The following PDE4D variants were observed in gnomAD, a reference collection of about 807,000 sequenced individuals.
PDE4D encodes the protein 3',5'-cyclic-AMP phosphodiesterase 4D.
In PDE4D, 24 loss-of-function variants were observed where a neutral mutation model predicts 87.4. The observed-to-expected ratio is 0.27, with a 90% confidence interval of 0.20 to 0.39. PDE4D has a LOEUF of 0.39. Among genes scored for constraint, PDE4D ranks in the 10% least tolerant of loss-of-function variants. The pLI is 1.00. For missense variants in PDE4D, 714 were observed against 1,041.0 expected (o/e 0.69, Z 4.32); for synonymous variants, 384 against 383.2 (o/e 1.00, Z -0.02).
chr5:59,267,058 T>C (rs1762969775), intron 1 of PDE4D, among the ~76,000 whole-genome samples: 1 of 152,084 alleles, frequency 6.6e-6, no homozygotes, highest in African/African-American at 2.4e-5. Flanking sequence ...AATGAGGTTA[T>C]GACTCCAACT....
At chr5:60,094,414 T>C (rs193089455) in intron 2 of PDE4D, among the ~76,000 whole-genome samples, 2 of 152,224 alleles carry the variant, frequency 1.3e-5, no homozygotes, top group East Asian at 3.9e-4. Flanking sequence ...ATACTTCTAT[T>C]TAAATGGCTA....
At chr5:59,232,564 G>T (rs1755463469) in intron 1 of PDE4D, among the ~76,000 whole-genome samples, 1 of 149,986 alleles carries the variant, frequency 6.7e-6, no homozygotes, top group African/African-American at 2.5e-5. Context: ...GGAATTCTTA[G>T]TTGGTGGGAA....
intron 1 of PDE4D, among the ~76,000 whole-genome samples, chr5:59,589,512 C>T (rs1289380710): frequency 6.6e-6 from 1 of 152,128 alleles, no homozygotes; most frequent in Non-Finnish European, 1.5e-5. Flanking sequence ...AGTCCTTATA[C>T]AAGAGAGTAG....
chr5:60,304,614 C>G (rs1042774855), intron 1 of PDE4D, among the ~76,000 whole-genome samples: 4 of 139,442 alleles, frequency 2.9e-5, no homozygotes, highest in Admixed American at 7.4e-5. Context: ...CACTGCAGTC[C>G]GCAGTCCGGC....
chr5:60,403,822 C>T (rs1286261931), intron 1 of PDE4D, among the ~76,000 whole-genome samples: 1 of 152,182 alleles, frequency 6.6e-6, no homozygotes, highest in Non-Finnish European at 1.5e-5. Flanking sequence ...ATTGTGAAAC[C>T]CACATTAGAA....
At chr5:59,238,750 A>C (rs972422374) in intron 1 of PDE4D, among the ~76,000 whole-genome samples, 1 of 152,196 alleles carries the variant, frequency 6.6e-6, no homozygotes, top group African/African-American at 2.4e-5. Flanking sequence ...GTCAAACTGT[A>C]ATAACAAAAC....
At chr5:60,016,981 A>T (rs1361155739) in intron 2 of PDE4D, among the ~76,000 whole-genome samples, 1 of 152,186 alleles carries the variant, frequency 6.6e-6, no homozygotes, top group African/African-American at 2.4e-5. Context: ...CAGCTGTATG[A>T]AATGTGTTTC....
intron 2 of PDE4D, among the ~76,000 whole-genome samples, chr5:59,199,323 G>T (rs182008034): frequency 1.3e-5 from 2 of 151,196 alleles, no homozygotes; most frequent in Non-Finnish European, 2.9e-5. Flanking sequence ...GAACTCCTGG[G>T]CTGAAGTGAT....
At chr5:59,464,276 C>T (rs1801225758) in intron 1 of PDE4D, among the ~76,000 whole-genome samples, 8 of 152,172 alleles carry the variant, frequency 5.3e-5, no homozygotes, top group Admixed American at 5.2e-4. Context: ...AAGAGGAAGG[C>T]ATCTGTCTCC....
At chr5:60,229,700 C>T (rs1745580155) in intron 1 of PDE4D, among the ~76,000 whole-genome samples, 1 of 152,080 alleles carries the variant, frequency 6.6e-6, no homozygotes, top group Admixed American at 6.6e-5. Flanking sequence ...GATTCTGGCC[C>T]ACTTACTATC....
chr5:59,126,208 A>G (rs1337069942), intron 5 of PDE4D, among the ~76,000 whole-genome samples: 12 of 152,172 alleles, frequency 7.9e-5, no homozygotes, highest in African/African-American at 2.9e-4. Flanking sequence ...GGTTCCATTT[A>G]TAAACCTCAG....
At chr5:59,417,203 TATC>T (rs1793757104) in intron 1 of PDE4D, among the ~76,000 whole-genome samples, 1 of 152,162 alleles carries the variant, frequency 6.6e-6, no homozygotes, top group Admixed American at 6.5e-5. Flanking sequence ...ATTTGGTATA[TATC>T]ATATTAAAAT....
At chr5:60,182,650 G>A (rs982172771) in intron 2 of PDE4D, among the ~76,000 whole-genome samples, 11 of 151,956 alleles carry the variant, frequency 7.2e-5, no homozygotes, top group South Asian at 4.1e-4. Context: ...AAGCCGAGGC[G>A]GGCGGATCAC....
intron 2 of PDE4D, among the ~76,000 whole-genome samples, chr5:60,129,902 C>CA (rs1483884204): frequency 6.6e-6 from 1 of 152,090 alleles, no homozygotes; most frequent in Non-Finnish European, 1.5e-5. Flanking sequence ...TGTATTCCCC[C>CA]AAAACTCATC....
intron 1 of PDE4D, among the ~76,000 whole-genome samples, chr5:60,420,759 G>A (rs1318104400): frequency 1.3e-5 from 2 of 152,214 alleles, no homozygotes; most frequent in African/African-American, 4.8e-5. Context: ...GCCTCACCTG[G>A]GAAGTGCAAG....
At chr5:59,257,562 T>C (rs757663743) in intron 1 of PDE4D, among the ~76,000 whole-genome samples, 1 of 152,044 alleles carries the variant, frequency 6.6e-6, no homozygotes, top group Non-Finnish European at 1.5e-5. Flanking sequence ...TACTCACATA[T>C]ATCTACTATC....
intron 1 of PDE4D, among the ~76,000 whole-genome samples, chr5:60,396,969 T>G (rs1188382247): frequency 1.3e-5 from 2 of 152,204 alleles, no homozygotes; most frequent in Admixed American, 6.5e-5. Flanking sequence ...TTAGCCCATT[T>G]TCCGGCCTCA....
chr5:59,407,086 C>T (rs1267864917), intron 1 of PDE4D, among the ~76,000 whole-genome samples: 1 of 152,140 alleles, frequency 6.6e-6, no homozygotes, highest in East Asian at 1.9e-4. Context: ...AATGTCCCCT[C>T]CAATTCTCAT....
rs149795144 is a variant in PDE4D, at chr5:60,135,432, C to T, written c.42+50125G>A. On this transcript the variant is annotated intron_variant, in intron 2 of 16. Transcript: ENST00000502484. ...TACTTAACATCTCTAGTTGTGCATG[C>T]CTACAGGCATATCTCATGGAAGACT... Among the ~76,000 whole-genome samples the T allele has an allele frequency of 3.0e-3, 455 of 152,232 alleles. 2 individuals carry two copies. Among genetic ancestry groups the T allele is most frequent in the Non-Finnish European group, 5.6e-3 (383 of 68,026 alleles).
Sources: allele counts gnomAD v4.1 joint callset (sites outside exome capture counted in the v4.1 genomes callset), GRCh38; gene constraint gnomAD v4.1.1; transcripts MANE v1.5; gene names NCBI Gene and HGNC (gene_info 2026-07-23, HGNC 2026-07-21).